Variants in HSD17B11 observed in about 807,000 individuals in gnomAD.
HSD17B11 encodes the protein hydroxysteroid 17-beta dehydrogenase 11, also known as estradiol 17-beta-dehydrogenase 11.
HSD17B11 carries 22 observed loss-of-function variants against 27.8 expected under a neutral mutation model. The ratio of observed to expected loss-of-function variants is 0.79; its 90% CI spans 0.56 to 1.13. The LOEUF (loss-of-function observed/expected upper bound fraction) is 1.13. Ranked by LOEUF, HSD17B11 falls within the 50% of genes most tolerant of loss-of-function variation. The pLI, the probability that HSD17B11 is intolerant of heterozygous loss-of-function variation, is 0.00. For missense variants in HSD17B11, 314 were observed against 351.1 expected (o/e 0.89, Z 0.84); for synonymous variants, 117 against 132.8 (o/e 0.88, Z 0.82).
chr4:87,377,445 G>A (rs921631277), intron 2 of HSD17B11, among the ~76,000 whole-genome samples: 6 of 129,590 alleles, frequency 4.6e-5, no homozygotes, highest in African/African-American at 6.3e-5. Flanking sequence ...GCGAGACTCT[G>A]TCTCAAAAAA....
chr4:87,338,557 G>T (rs1263124530), intron 6 of HSD17B11, among the ~76,000 whole-genome samples: 1 of 151,924 alleles, frequency 6.6e-6, no homozygotes, highest in Non-Finnish European at 1.5e-5. Flanking sequence ...TATTTTTGAG[G>T]TAGGGTCTTG....
intron 5 of HSD17B11, among the ~76,000 whole-genome samples, chr4:87,353,075 G>A (rs1474300444): frequency 9.8e-6 from 1 of 102,514 alleles, no homozygotes; most frequent in East Asian, 2.0e-4. Context: ...AGAAATCACC[G>A]TCTTCTGCGT....
chr4:87,380,820 TGCACTCCA>T (rs1720137273), intron 2 of HSD17B11, among the ~76,000 whole-genome samples: 1 of 122,274 alleles, frequency 8.2e-6, no homozygotes, highest in Non-Finnish European at 1.6e-5. Flanking sequence ...ATCGCACCAC[TGCACTCCA>T]GCCTGGGCGA....
rs1735638693 is a variant in HSD17B11 at position 87,367,962 on chromosome 4, G to C, written c.557+4747C>G. 2.0e-5 allele frequency among the ~76,000 whole-genome samples: 3 copies of C among 152,170 alleles called. No individual in the cohort carries two copies. The South Asian group carries it at 6.2e-4, about 32-fold the overall frequency. ...CCCTTTGTGTGGGAACACAGGACAG[G>C]CTTACTAAATGTTTTCTTAAACTAA... On this transcript the variant is annotated intron_variant, in intron 4 of 6. Transcript: ENST00000358290.
At chr4:87,347,119 T>TC (rs896697417) in intron 5 of HSD17B11, among the ~76,000 whole-genome samples, 4 of 71,000 alleles carry the variant, frequency 5.6e-5, no homozygotes, top group African/African-American at 1.8e-4. Context: ...TTTTTTTCTT[T>TC]TTTTTTTTTT....
At chr4:87,373,332 T>C (rs1289899441) in intron 3 of HSD17B11, 1 of 128,482 alleles carries the variant, frequency 7.8e-6, no homozygotes, top group Non-Finnish European at 1.6e-5. Context: ...AGAGTGAGAC[T>C]GTTTAAAAAA....
intron 2 of HSD17B11, among the ~76,000 whole-genome samples, chr4:87,376,563 G>A (rs1313824426): frequency 9.1e-6 from 1 of 109,332 alleles, no homozygotes; most frequent in Non-Finnish European, 1.9e-5. Flanking sequence ...ATAGAAATAT[G>A]AGGTAAATAA....
At chr4:87,361,495 T>C (rs1270858302) in intron 4 of HSD17B11, among the ~76,000 whole-genome samples, 1 of 152,180 alleles carries the variant, frequency 6.6e-6, no homozygotes, top group Non-Finnish European at 1.5e-5. Context: ...CGGCCGGGCA[T>C]GGTGGCTCAT....
At chr4:87,361,831 A>C (rs917765744) in intron 4 of HSD17B11, among the ~76,000 whole-genome samples, 1 of 152,128 alleles carries the variant, frequency 6.6e-6, no homozygotes, top group Non-Finnish European at 1.5e-5. Flanking sequence ...CTTTCATGAG[A>C]TCCAAGAACC....
intron 1 of HSD17B11, among the ~76,000 whole-genome samples, chr4:87,383,094 T>C (rs1436444126): frequency 6.6e-6 from 1 of 152,144 alleles, no homozygotes; most frequent in Non-Finnish European, 1.5e-5. Context: ...CCCTTTCACT[T>C]GCTTTCCCCA....
At chr4:87,378,880 A>G (rs13119092) in intron 2 of HSD17B11, among the ~76,000 whole-genome samples, 1,648 of 29,220 alleles carry the variant, frequency 0.056, 201 homozygotes, top group Non-Finnish European at 0.083. Context: ...ATATATATAT[A>G]AATATATATA....
rs58297196 is a variant in HSD17B11 at position 87,391,099 on chromosome 4, GTT to G, written c.-31_-30del. The G allele has an allele frequency of 0.013, 16,277 of 1,256,414 alleles. 2 individuals are homozygous for G. Among genetic ancestry groups the G allele is most frequent in the African/African-American group, 0.023 (1,475 of 63,440 alleles). The allele number at this position is 1,256,414 out of a possible 1,614,324, so 77.8% of individuals were successfully genotyped here. A position where few individuals can be genotyped will look rare whatever the true frequency, so the allele number is the denominator to read the frequency against. On this transcript the variant is annotated 5_prime_UTR_variant, in exon 1 of 7. Coordinates refer to ENST00000358290, the MANE Select transcript of HSD17B11 (RefSeq NM_016245.5). ...TTTTGTGGCTGCGAGCGTTTGGTGT[GTT>G]TTTTTTTTTTTTTACCACTCTAAAC...
chr4:87,339,047 T>A (rs1194163368), intron 6 of HSD17B11, among the ~76,000 whole-genome samples: 4 of 152,242 alleles, frequency 2.6e-5, no homozygotes, highest in Admixed American at 2.0e-4. Context: ...GAAACTAGAA[T>A]TAATTTATTC....
intron 1 of HSD17B11, 104 bp from the exon 2 acceptor site, chr4:87,382,466 T>C: frequency 1.4e-6 from 1 of 719,646 alleles, no homozygotes; most frequent in South Asian, 2.1e-5. Context: ...TGAGATTCTT[T>C]CCATTTGAAT....
chr4:87,372,005 G>A (rs1307247527), intron 4 of HSD17B11, among the ~76,000 whole-genome samples: 1 of 152,150 alleles, frequency 6.6e-6, no homozygotes, highest in African/African-American at 2.4e-5. Context: ...CACTTTGGTA[G>A]GCCGAGGCGG....
At chr4:87,338,212 G>A (rs765778723) in intron 6 of HSD17B11, among the ~76,000 whole-genome samples, 24 of 150,984 alleles carry the variant, frequency 1.6e-4, no homozygotes, top group Admixed American at 3.3e-4. Context: ...GCGAGACTCC[G>A]TCCCCCACAG....
At chr4:87,358,054 C>T (rs981549385) in intron 4 of HSD17B11, among the ~76,000 whole-genome samples, 16 of 147,540 alleles carry the variant, frequency 1.1e-4, no homozygotes, top group Admixed American at 2.7e-4. Flanking sequence ...CTCCGCCTCC[C>T]GGGTTCCCGC....
At chr4:87,344,044 G>A (rs1735221964) in intron 5 of HSD17B11, among the ~76,000 whole-genome samples, 1 of 152,134 alleles carries the variant, frequency 6.6e-6, no homozygotes, top group Non-Finnish European at 1.5e-5. Flanking sequence ...TGACATCACT[G>A]AATGAGTACT....
intron 3 of HSD17B11, chr4:87,374,275 T>C (rs998062912): frequency 1.3e-5 from 2 of 156,672 alleles, no homozygotes; most frequent in Admixed American, 6.5e-5. Context: ...TGAGATGAGA[T>C]TGCATCACTG....
Sources: gnomAD v4.1 joint callset for allele counts (sites outside exome capture counted in the v4.1 genomes callset) on GRCh38, gnomAD v4.1.1 for gene constraint, MANE v1.5 for transcripts, NCBI Gene and HGNC (gene_info 2026-07-23, HGNC 2026-07-21) for gene names.